The following AFG2A variants were observed in gnomAD, a reference collection of about 807,000 sequenced individuals.
AFG2A encodes ATPase family gene 2 protein homolog A.
At chr4:122,993,048 C>T in the AFG2A span, among the ~76,000 whole-genome samples, 1 of 151,574 alleles carries the variant, frequency 6.6e-6, no homozygotes, top group African/African-American at 2.4e-5. Flanking sequence ...TGCAGCAGCA[C>T]GATCTCAGCT....
the AFG2A span, among the ~76,000 whole-genome samples, chr4:123,117,712 G>C: frequency 5.1e-4 from 77 of 151,796 alleles, 1 homozygote; most frequent in African/African-American, 1.7e-3. Context: ...AAGGAGGAGA[G>C]GGAGAAAAAA....
At chr4:123,116,905 G>C in the AFG2A span, among the ~76,000 whole-genome samples, 3 of 152,242 alleles carry the variant, frequency 2.0e-5, no homozygotes, top group South Asian at 4.2e-4. Context: ...CTTTGTAGGT[G>C]TTGGTGTTGT....
chr4:123,155,010 T>C, the AFG2A span, among the ~76,000 whole-genome samples: 1 of 152,112 alleles, frequency 6.6e-6, no homozygotes, highest in Non-Finnish European at 1.5e-5. Context: ...CCCCTCCTCC[T>C]TATTGTTCTC....
chr4:123,264,328 C>A, the AFG2A span, among the ~76,000 whole-genome samples: 2 of 152,086 alleles, frequency 1.3e-5, no homozygotes, highest in Middle Eastern at 3.2e-3. Flanking sequence ...TCTATGTAAC[C>A]AAACACCATG....
chr4:123,052,427 T>G, the AFG2A span, among the ~76,000 whole-genome samples: 1 of 152,334 alleles, frequency 6.6e-6, no homozygotes, highest in South Asian at 2.1e-4. Context: ...GTCACATATC[T>G]CTATCACTTT....
At chr4:123,165,369 G>T in the AFG2A span, among the ~76,000 whole-genome samples, 1 of 151,966 alleles carries the variant, frequency 6.6e-6, no homozygotes, top group Non-Finnish European at 1.5e-5. Context: ...CATGAATTTT[G>T]TGGTATGTAA....
the AFG2A span, among the ~76,000 whole-genome samples, chr4:123,022,128 T>C: frequency 2.6e-5 from 4 of 151,778 alleles, no homozygotes; most frequent in Non-Finnish European, 5.9e-5. Context: ...TAGGCATGGG[T>C]AAGGACTTCA....
At chr4:122,997,038 A>G in the AFG2A span, among the ~76,000 whole-genome samples, 1 of 152,170 alleles carries the variant, frequency 6.6e-6, no homozygotes, top group Non-Finnish European at 1.5e-5. Flanking sequence ...TTCTCTGGAA[A>G]CATCCTCACA....
the AFG2A span, among the ~76,000 whole-genome samples, chr4:123,285,274 C>T: frequency 1.3e-5 from 2 of 152,126 alleles, no homozygotes; most frequent in South Asian, 4.1e-4. Context: ...GTGGGACTGT[C>T]CTAATTTCCT....
chr4:123,143,164 G>T, the AFG2A span, among the ~76,000 whole-genome samples: 1 of 148,698 alleles, frequency 6.7e-6, no homozygotes, highest in Admixed American at 6.7e-5. Flanking sequence ...TATTCACCCT[G>T]TATTATTAGT....
At chr4:123,025,013 G>C in the AFG2A span, among the ~76,000 whole-genome samples, 2 of 152,160 alleles carry the variant, frequency 1.3e-5, no homozygotes, top group African/African-American at 4.8e-5. Context: ...AGAGGTCGAG[G>C]ACAAGGGCAT....
chr4:123,043,973 T>C, the AFG2A span, among the ~76,000 whole-genome samples: 1 of 152,222 alleles, frequency 6.6e-6, no homozygotes, highest in Non-Finnish European at 1.5e-5. Context: ...CCTTTGCTCT[T>C]GACCAGTCCA....
At chr4:123,153,000 C>T in the AFG2A span, among the ~76,000 whole-genome samples, 3 of 152,146 alleles carry the variant, frequency 2.0e-5, no homozygotes, top group African/African-American at 7.2e-5. Context: ...TATATCTTCC[C>T]AATAACAACC....
chr4:123,025,923 A>C, the AFG2A span, among the ~76,000 whole-genome samples: 17 of 152,338 alleles, frequency 1.1e-4, no homozygotes, highest in Non-Finnish European at 1.3e-4. Flanking sequence ...GAGTTGTCCC[A>C]TTAAATGGAG....
the AFG2A span, among the ~76,000 whole-genome samples, chr4:123,262,141 T>A: frequency 6.6e-6 from 1 of 152,120 alleles, no homozygotes; most frequent in East Asian, 1.9e-4. Context: ...AGGGCAGAGA[T>A]CAGTTCTTGT....
At chr4:123,044,318 C>T in the AFG2A span, among the ~76,000 whole-genome samples, 1 of 152,130 alleles carries the variant, frequency 6.6e-6, no homozygotes, top group South Asian at 2.1e-4. Context: ...AGGGAACAAA[C>T]AAGATGAGTT....
chr4:123,132,906 C>T, the AFG2A span, among the ~76,000 whole-genome samples: 7 of 151,862 alleles, frequency 4.6e-5, no homozygotes, highest in East Asian at 2.0e-4. Flanking sequence ...TCAGCCTCCC[C>T]GGTAGCTGGG....
At chr4:123,254,068 T>C in the AFG2A span, among the ~76,000 whole-genome samples, 3,226 of 152,316 alleles carry the variant, frequency 0.021, 62 homozygotes, top group Non-Finnish European at 0.035. Flanking sequence ...TTTCTTATTA[T>C]TGAATTATGA....
the AFG2A span, among the ~76,000 whole-genome samples, chr4:123,032,636 G>A: frequency 6.6e-6 from 1 of 152,100 alleles, no homozygotes; most frequent in Non-Finnish European, 1.5e-5. Flanking sequence ...GGCTGGTGTC[G>A]GACTCCCGAC....
Sources: gnomAD v4.1 joint callset for allele counts (sites outside exome capture counted in the v4.1 genomes callset) on GRCh38, gnomAD v4.1.1 for gene constraint, MANE v1.5 for transcripts, NCBI Gene and HGNC (gene_info 2026-07-23, HGNC 2026-07-21) for gene names.